The following HDAC8 variants were observed in gnomAD, a reference collection of about 807,000 sequenced individuals.
HDAC8 encodes the protein histone deacetylase-like 1.
In HDAC8, 1 loss-of-function variant was observed where a neutral mutation model predicts 32.2. The observed-to-expected ratio is 0.03, with a 90% CI of 0.01 to 0.15. The LOEUF is 0.15. HDAC8 is among the 10% of genes least tolerant of loss of function. The probability of loss-of-function intolerance (pLI) is 1.00; values close to 1 mark genes in which losing one functional copy is unlikely to be tolerated. For synonymous variants in HDAC8, 108 were observed against 113.9 expected, an observed-to-expected ratio of 0.95 and a Z score of 0.33; for missense variants, 117 against 300.0, an observed-to-expected ratio of 0.39 and a Z score of 4.51.
intron 4 of HDAC8, among the ~76,000 whole-genome samples, chrX:72,538,185 C>CTT (rs782378380): frequency 1.4e-4 from 13 of 95,542 alleles, no homozygotes; most frequent in African/African-American, 4.5e-4. Flanking sequence ...TTTTGTTTTT[C>CTT]TTTTTTTTTT....
intron 4 of HDAC8, among the ~76,000 whole-genome samples, chrX:72,545,778 C>T (rs895358597): frequency 4.5e-5 from 5 of 111,911 alleles, no homozygotes; most frequent in African/African-American, 1.6e-4. Flanking sequence ...TAGTGATGTG[C>T]CTGTTCTACA....
chrX:72,367,363 G>T (rs1483114441), intron 9 of HDAC8, among the ~76,000 whole-genome samples: 1 of 112,018 alleles, frequency 8.9e-6, no homozygotes, highest in East Asian at 2.8e-4. Flanking sequence ...CTGCGATCAG[G>T]GGCCTGGTTT....
intron 9 of HDAC8, among the ~76,000 whole-genome samples, chrX:72,446,655 T>C (rs1555984995): frequency 9.1e-6 from 1 of 110,292 alleles, no homozygotes; most frequent in Non-Finnish European, 1.9e-5. Context: ...TTGCACATTG[T>C]GCACATGTAC....
intron 10 of HDAC8, among the ~76,000 whole-genome samples, chrX:72,332,236 T>C (rs1192758695): frequency 8.9e-6 from 1 of 112,853 alleles, no homozygotes; most frequent in African/African-American, 3.2e-5. Flanking sequence ...CAAGCCACTA[T>C]GAACATTCAC....
intron 4 of HDAC8, among the ~76,000 whole-genome samples, chrX:72,519,140 G>A (rs1439673587): frequency 2.7e-5 from 3 of 112,372 alleles, no homozygotes; most frequent in Non-Finnish European, 5.6e-5. Context: ...CATTCATGTT[G>A]CATTCCTTTT....
intron 9 of HDAC8, among the ~76,000 whole-genome samples, chrX:72,397,997 T>C (rs1192393416): frequency 1.8e-5 from 2 of 112,182 alleles, no homozygotes; most frequent in African/African-American, 3.2e-5. Flanking sequence ...TTGTAAAGTA[T>C]ACACATGTTG....
At chrX:72,421,236 C>T (rs2046481242) in intron 9 of HDAC8, among the ~76,000 whole-genome samples, 2 of 110,496 alleles carry the variant, frequency 1.8e-5, no homozygotes, top group Non-Finnish European at 3.8e-5. Flanking sequence ...GTTTCTTCAA[C>T]TTTTATTTTA....
At chrX:72,564,030 C>T (rs2051687386) in intron 4 of HDAC8, among the ~76,000 whole-genome samples, 2 of 110,833 alleles carry the variant, frequency 1.8e-5, no homozygotes, top group Non-Finnish European at 3.8e-5. Flanking sequence ...CATGGTGGCA[C>T]GCGCCTGTAA....
intron 9 of HDAC8, among the ~76,000 whole-genome samples, chrX:72,371,958 G>A (rs1555956515): frequency 9.0e-6 from 1 of 110,784 alleles, no homozygotes. Flanking sequence ...ATAAAGTAGG[G>A]TAAGGGGTTG....
chrX:72,499,196 T>C (rs1352087864), intron 4 of HDAC8, among the ~76,000 whole-genome samples: 2 of 111,765 alleles, frequency 1.8e-5, no homozygotes, highest in Non-Finnish European at 3.8e-5. Flanking sequence ...CTTTATAAAT[T>C]ACCCAGACTC....
intron 9 of HDAC8, among the ~76,000 whole-genome samples, chrX:72,449,719 A>C (rs1441415645): frequency 7.2e-5 from 8 of 111,688 alleles, no homozygotes; most frequent in African/African-American, 1.6e-4. Flanking sequence ...TTAAAAAAAA[A>C]CACAATCCAA....
At chrX:72,394,978 T>G (rs1166195981) in intron 9 of HDAC8, among the ~76,000 whole-genome samples, 1 of 111,320 alleles carries the variant, frequency 9.0e-6, no homozygotes, top group African/African-American at 3.3e-5. Context: ...CCCTTGAGAT[T>G]CTCACCAGCA....
chrX:72,367,510 A>G (rs993531251), intron 9 of HDAC8, among the ~76,000 whole-genome samples: 4 of 112,443 alleles, frequency 3.6e-5, no homozygotes, highest in African/African-American at 1.3e-4. Flanking sequence ...GGCTAGATAA[A>G]TGAAGGGGGT....
chrX:72,380,166 T>C (rs1340789372), intron 9 of HDAC8, among the ~76,000 whole-genome samples: 3 of 111,786 alleles, frequency 2.7e-5, no homozygotes, highest in African/African-American at 9.8e-5. Flanking sequence ...CATATGGACA[T>C]CTCATTCCCC....
At chrX:72,353,204 T>C (rs2044233049) in intron 9 of HDAC8, among the ~76,000 whole-genome samples, 1 of 112,301 alleles carries the variant, frequency 8.9e-6, no homozygotes, top group South Asian at 3.7e-4. Flanking sequence ...TGTGGAACAA[T>C]CTCTAGGGAT....
intron 9 of HDAC8, among the ~76,000 whole-genome samples, chrX:72,385,126 G>A (rs1460792612): frequency 9.1e-5 from 10 of 110,433 alleles, no homozygotes; most frequent in African/African-American, 3.3e-4. Flanking sequence ...CATTTATTGT[G>A]ATTTTGTTTT....
chrX:72,388,724 G>A (rs1355113672), intron 9 of HDAC8, among the ~76,000 whole-genome samples: 1 of 110,839 alleles, frequency 9.0e-6, no homozygotes, highest in African/African-American at 3.3e-5. Context: ...GAGCAAGGAA[G>A]TAATTAAGGT....
intron 4 of HDAC8, among the ~76,000 whole-genome samples, chrX:72,516,362 C>G (rs2049802048): frequency 9.0e-6 from 1 of 110,519 alleles, no homozygotes; most frequent in African/African-American, 3.3e-5. Context: ...GTCACAGTCA[C>G]CGGGAAAGCT....
At chrX:72,355,301 C>A (rs1297948526) in intron 9 of HDAC8, among the ~76,000 whole-genome samples, 1 of 112,221 alleles carries the variant, frequency 8.9e-6, no homozygotes, top group Non-Finnish European at 1.9e-5. Flanking sequence ...AATGGGCAAG[C>A]AGCAATCCCA....
Sources: allele counts gnomAD v4.1 joint callset (sites outside exome capture counted in the v4.1 genomes callset), GRCh38; gene constraint gnomAD v4.1.1; transcripts MANE v1.5; gene names NCBI Gene and HGNC (gene_info 2026-07-23, HGNC 2026-07-21).